Variants in TAF12 observed in about 807,000 individuals in gnomAD.
TAF12 encodes transcription initiation factor TFIID subunit 12.
In TAF12, 3 loss-of-function variants were observed where a neutral mutation model predicts 20.8. The observed-to-expected ratio is 0.14, with a 90% CI of 0.07 to 0.37. TAF12 has a LOEUF of 0.37. Among genes scored for constraint, TAF12 ranks in the 10% least tolerant of loss-of-function variants. TAF12 has a pLI of 1.00. For missense variants in TAF12, 131 were observed against 197.9 expected (o/e 0.66, Z 2.03); for synonymous variants, 69 against 70.2 (o/e 0.98, Z 0.09).
intron 4 of TAF12, among the ~76,000 whole-genome samples, chr1:28,606,151 A>C (rs1666657081): frequency 6.6e-6 from 1 of 152,084 alleles, no homozygotes. Context: ...GGCATCTGCC[A>C]CTGCATCTGG....
chr1:28,621,245 T>C, intron 2 of TAF12, among the ~76,000 whole-genome samples: 1 of 152,152 alleles, frequency 6.6e-6, no homozygotes, highest in African/African-American at 2.4e-5. Flanking sequence ...TCCCTTGAAA[T>C]ACTGGGCGAA....
At chr1:28,643,715 T>C (rs1165050626), upstream of TAF12, among the ~76,000 whole-genome samples, 2 of 152,166 alleles carry the variant, frequency 1.3e-5, no homozygotes, top group Non-Finnish European at 2.9e-5. Context: ...CCAAAGCCTG[T>C]CCTGTAGCAT....
intron 3 of TAF12, among the ~76,000 whole-genome samples, chr1:28,615,995 G>A (rs1006031754): frequency 8.5e-5 from 13 of 152,064 alleles, no homozygotes; most frequent in African/African-American, 2.2e-4. Context: ...ACTGCAAATC[G>A]GGCATTTTTC....
At chr1:28,614,679 A>C (rs1666971527) in intron 3 of TAF12, among the ~76,000 whole-genome samples, 1 of 151,714 alleles carries the variant, frequency 6.6e-6, no homozygotes, top group Non-Finnish European at 1.5e-5. Flanking sequence ...CGAGACAAAA[A>C]AAAAAAAAAG....
At chr1:28,625,176 ACT>A (rs1667340233) in intron 1 of TAF12, among the ~76,000 whole-genome samples, 2 of 152,302 alleles carry the variant, frequency 1.3e-5, no homozygotes, top group Admixed American at 1.3e-4. Flanking sequence ...CCCAAATAAT[ACT>A]GAGTATTGCA....
chr1:28,645,196 C>T (rs1416956869), upstream of TAF12, among the ~76,000 whole-genome samples: 41 of 150,906 alleles, frequency 2.7e-4, no homozygotes, highest in African/African-American at 8.2e-4. Flanking sequence ...CCACCGCGCC[C>T]GGCTAATTTT....
chr1:28,613,209 G>A, intron 4 of TAF12, 38 bp downstream of exon 4: 1 of 1,546,736 alleles, frequency 6.5e-7, no homozygotes, highest in Non-Finnish European at 8.8e-7. Flanking sequence ...TGAAGAAGCA[G>A]TTGAATCCAT....
At chr1:28,616,023 TA>T (rs1168101455) in intron 3 of TAF12, among the ~76,000 whole-genome samples, 17 of 152,304 alleles carry the variant, frequency 1.1e-4, no homozygotes, top group African/African-American at 4.1e-4. Context: ...AGCTAGTTGT[TA>T]AACATTTACC....
intron 1 of TAF12, among the ~76,000 whole-genome samples, chr1:28,629,356 GAC>G (rs1557469744): frequency 6.6e-6 from 1 of 151,946 alleles, no homozygotes; most frequent in Admixed American, 6.6e-5. Context: ...TTGTTTCTGA[GAC>G]ACAGTCTCAC....
chr1:28,603,791 C>T (rs1252106072), intron 5 of TAF12, among the ~76,000 whole-genome samples: 1 of 152,168 alleles, frequency 6.6e-6, no homozygotes, highest in Non-Finnish European at 1.5e-5. Flanking sequence ...CCATTTCATC[C>T]ACCAAACTGC....
chr1:28,613,438 C>T, intron 3 of TAF12, 77 bp from the exon 4 acceptor site: 1 of 1,237,190 alleles, frequency 8.1e-7, no homozygotes, highest in Non-Finnish European at 1.1e-6. Flanking sequence ...CTGCTTTCAG[C>T]TTGGATTGCA....
chr1:28,635,356 A>G (rs1404100693), intron 1 of TAF12, among the ~76,000 whole-genome samples: 1 of 122,210 alleles, frequency 8.2e-6, no homozygotes, highest in African/African-American at 3.2e-5. Context: ...CCCAGGCTAC[A>G]GTGCAGTGGC....
chr1:28,616,174 A>G (rs566544280), intron 3 of TAF12, among the ~76,000 whole-genome samples: 23 of 152,238 alleles, frequency 1.5e-4, no homozygotes, highest in Admixed American at 1.3e-3. Context: ...AGGTGGACAG[A>G]TCACTTGAGG....
intron 1 of TAF12, among the ~76,000 whole-genome samples, chr1:28,636,214 T>C (rs776341614): frequency 4.6e-5 from 7 of 152,188 alleles, no homozygotes; most frequent in South Asian, 2.1e-4. Flanking sequence ...AAAGGCAGTA[T>C]AGGCCACATG....
chr1:28,640,386 C>G (rs1667992162), intron 1 of TAF12, among the ~76,000 whole-genome samples: 1 of 152,148 alleles, frequency 6.6e-6, no homozygotes, highest in African/African-American at 2.4e-5. Flanking sequence ...ACGATTACTT[C>G]TATTTTGCTG....
At chr1:28,606,119 C>T (rs1666656217) in intron 4 of TAF12, among the ~76,000 whole-genome samples, 1 of 152,164 alleles carries the variant, frequency 6.6e-6, no homozygotes, top group Non-Finnish European at 1.5e-5. Flanking sequence ...CTGCCTCAGA[C>T]TCCCGAGTAG....
intron 3 of TAF12, 114 bp from the exon 4 acceptor site, chr1:28,613,475 G>T (rs557813111): frequency 1.1e-4 from 95 of 831,150 alleles, no homozygotes; most frequent in Middle Eastern, 6.9e-4. Flanking sequence ...CTAGTAGAAG[G>T]CTGGAATCAG....
intron 5 of TAF12, among the ~76,000 whole-genome samples, chr1:28,604,257 C>T (rs1424099163): frequency 1.3e-5 from 2 of 152,126 alleles, no homozygotes; most frequent in Admixed American, 6.6e-5. Context: ...CAATGATGGA[C>T]ACAATAGGGA....
chr1:28,621,769 A>T (rs1480396665), intron 2 of TAF12, 145 bp downstream of exon 2: 4 of 1,290,446 alleles, frequency 3.1e-6, no homozygotes, highest in Non-Finnish European at 4.1e-6. Context: ...AAACAAACAA[A>T]AAAAGTTAGA....
Sources: gnomAD v4.1 joint callset for allele counts (sites outside exome capture counted in the v4.1 genomes callset) on GRCh38, gnomAD v4.1.1 for gene constraint, MANE v1.5 for transcripts, NCBI Gene and HGNC (gene_info 2026-07-23, HGNC 2026-07-21) for gene names.